The following BRINP1 variants were observed in gnomAD, a reference collection of about 807,000 sequenced individuals.
BRINP1 encodes the protein BMP/retinoic acid-inducible neural-specific protein 1.
In BRINP1, 17 loss-of-function variants were observed where a neutral mutation model predicts 72.9. The observed-to-expected ratio is 0.23, with a 90% CI of 0.16 to 0.35. The LOEUF (loss-of-function observed/expected upper bound fraction) is 0.35. Among genes scored for constraint, BRINP1 ranks in the 10% least tolerant of loss-of-function variants. The probability of loss-of-function intolerance (pLI) is 1.00; values close to 1 mark genes in which losing one functional copy is unlikely to be tolerated. For synonymous variants in BRINP1, 418 were observed against 378.5 expected (o/e 1.10, Z -1.21); for missense variants, 850 against 1,001.6 (o/e 0.85, Z 2.04).
intron 2 of BRINP1, among the ~76,000 whole-genome samples, chr9:119,307,998 T>C (rs1831016232): frequency 6.6e-6 from 1 of 152,130 alleles, no homozygotes; most frequent in South Asian, 2.1e-4. Context: ...AATGGAGAGA[T>C]AATAGCAATA....
chr9:119,308,867 C>G (rs1252570850), intron 2 of BRINP1, among the ~76,000 whole-genome samples: 3 of 152,104 alleles, frequency 2.0e-5, no homozygotes, highest in Non-Finnish European at 4.4e-5. Flanking sequence ...AGAATCTCCC[C>G]TTTGCCCTGA....
At chr9:119,266,337 A>AGG (rs1830547939) in intron 2 of BRINP1, among the ~76,000 whole-genome samples, 1 of 152,158 alleles carries the variant, frequency 6.6e-6, no homozygotes, top group African/African-American at 2.4e-5. Context: ...CACATGAAGG[A>AGG]GGTCCTGGTA....
chr9:119,230,297 CTG>C (rs1273108600), intron 5 of BRINP1, among the ~76,000 whole-genome samples: 7 of 152,018 alleles, frequency 4.6e-5, no homozygotes, highest in African/African-American at 1.7e-4. Flanking sequence ...GAAATCTAAA[CTG>C]TATACCAAAA....
chr9:119,360,130 T>A (rs949841814), intron 1 of BRINP1, among the ~76,000 whole-genome samples: 1 of 152,184 alleles, frequency 6.6e-6, no homozygotes, highest in East Asian at 1.9e-4. Flanking sequence ...TTATAAGCTC[T>A]CTCAGTCCTC....
At chr9:119,211,992 T>G (rs1223755941) in intron 6 of BRINP1, among the ~76,000 whole-genome samples, 1 of 148,494 alleles carries the variant, frequency 6.7e-6, no homozygotes, top group Non-Finnish European at 1.5e-5. Flanking sequence ...ATTCCCTCTG[T>G]TTTTTTTTTG....
At chr9:119,349,236 G>A (rs1831479475) in intron 1 of BRINP1, among the ~76,000 whole-genome samples, 1 of 152,174 alleles carries the variant, frequency 6.6e-6, no homozygotes. Flanking sequence ...AAACCAAAAT[G>A]TGTGGTGCCT....
intron 1 of BRINP1, among the ~76,000 whole-genome samples, chr9:119,326,859 G>C (rs927829572): frequency 6.6e-6 from 1 of 152,156 alleles, no homozygotes; most frequent in Non-Finnish European, 1.5e-5. Context: ...CCTAAACTAG[G>C]GTCTCTGGAA....
chr9:119,173,975 AC>A (rs2118826774), intron 7 of BRINP1, among the ~76,000 whole-genome samples: 1 of 120,768 alleles, frequency 8.3e-6, no homozygotes, highest in East Asian at 2.1e-4. Context: ...TACACCTTAT[AC>A]AAAAATCAAT....
At position 119,208,748 on chromosome 9, in the gene BRINP1, G is replaced by A. The variant is rs370368536; in HGVS notation, c.1116C>T (p.His372=). The A allele has an allele frequency of 1.2e-6, 2 of 1,613,440 alleles. No individual in the cohort carries two copies. Among genetic ancestry groups the A allele is most frequent in the Non-Finnish European group, 1.7e-6 (2 of 1,180,024 alleles). ...CTCTAGGCAGCTGGTGGTTGGGATT[G>A]TGGCGACAGCGTACACTGAGGCCGA... ...KLFGLSVRCR[H]NPNHQLPRER... Residue 372 remains histidine (H), a synonymous_variant, in exon 7 of 8, where the codon CAC becomes CAT. Transcript: ENST00000265922.
Position 119,167,111 on chromosome 9 carries a change from C to T in BRINP1, c.2259G>A (p.Ser753=), listed in dbSNP as rs200802804. Residue 753 remains serine, a synonymous_variant, in exon 8 of 8, where the codon TCG becomes TCA. Transcript: ENST00000265922. This position sits in a 1 kb window ranked among gnomAD's most constrained non-coding sequence, Gnocchi z 4.3. ...DLYNTEILKQ[S]DQMTAKLC The stretch of plus-strand genomic sequence containing the variant: ...AGCAGAGTTTGGCTGTCATCTGGTC[C>T]GACTGTTTGAGGATCTCCGTGTTGT... The T allele has an allele frequency of 1.3e-5, 21 of 1,609,486 alleles. No individual in the cohort carries two copies. Among genetic ancestry groups the T allele is most frequent in the South Asian group, 3.3e-5 (3 of 90,512 alleles).
intron 2 of BRINP1, among the ~76,000 whole-genome samples, chr9:119,290,711 G>A (rs528640340): frequency 4.6e-4 from 70 of 152,268 alleles, no homozygotes; most frequent in African/African-American, 1.6e-3. Flanking sequence ...AGCAGCATTT[G>A]ATTGATATCT....
intron 6 of BRINP1, among the ~76,000 whole-genome samples, chr9:119,212,420 A>T (rs1293133295): frequency 6.6e-6 from 1 of 152,246 alleles, no homozygotes; most frequent in African/African-American, 2.4e-5. Flanking sequence ...CTTCTCATTT[A>T]TCAGATGAGG....
chr9:119,230,456 T>TGGGGAA (rs955362362), intron 5 of BRINP1, among the ~76,000 whole-genome samples: 3 of 151,878 alleles, frequency 2.0e-5, no homozygotes, highest in African/African-American at 7.3e-5. Flanking sequence ...TGTACTGATC[T>TGGGGAA]GGGGAAGGGA....
Position 119,185,313 on chromosome 9 carries a change from CACA to C in BRINP1, c.1146-17092_1146-17090del, listed in dbSNP as rs571155749. 3.5e-4 allele frequency among the ~76,000 whole-genome samples: 53 copies of C among 152,290 alleles called. 1 individual carries two copies. The highest frequency in any genetic ancestry group is 1.0e-3 in the African/African-American group (43 of 41,570). On this transcript the variant is annotated intron_variant, in intron 7 of 7. Transcript: ENST00000265922. ...AACATTAACAAGAACAATGACAACA[CACA>C]ACAACAAAATATGCACCTAGACAGC...
chr9:119,290,910 G>T (rs1417411395), intron 2 of BRINP1, among the ~76,000 whole-genome samples: 1 of 152,076 alleles, frequency 6.6e-6, no homozygotes, highest in Non-Finnish European at 1.5e-5. Context: ...ATCACCTGAG[G>T]TCAGGAGTTT....
chr9:119,218,162 C>T (rs1829999275), intron 5 of BRINP1, among the ~76,000 whole-genome samples: 1 of 151,712 alleles, frequency 6.6e-6, no homozygotes, highest in Admixed American at 6.6e-5. Flanking sequence ...TAAGGTCAAG[C>T]CCAGTGTAGG....
chr9:119,218,547 G>A (rs536357538), intron 5 of BRINP1, among the ~76,000 whole-genome samples: 4 of 152,080 alleles, frequency 2.6e-5, no homozygotes, highest in Admixed American at 6.5e-5. Context: ...AGTGCCTCAC[G>A]AGGCTTCTGA....
At chr9:119,269,314 C>G (rs1830584366) in intron 2 of BRINP1, among the ~76,000 whole-genome samples, 2 of 152,292 alleles carry the variant, frequency 1.3e-5, no homozygotes, top group South Asian at 4.1e-4. Flanking sequence ...CAGGAACTTG[C>G]AATTTCTAGA....
At chr9:119,236,586 C>T (rs1830193601) in intron 5 of BRINP1, among the ~76,000 whole-genome samples, 1 of 152,140 alleles carries the variant, frequency 6.6e-6, no homozygotes, top group African/African-American at 2.4e-5. Context: ...AACTCACAAT[C>T]TTTCCACCCT....
Sources: allele counts gnomAD v4.1 joint callset (sites outside exome capture counted in the v4.1 genomes callset), GRCh38; gene constraint gnomAD v4.1.1; non-coding constraint Gnocchi (gnomAD v3.1); transcripts MANE v1.5; gene names NCBI Gene and HGNC (gene_info 2026-07-23, HGNC 2026-07-21).